Variants in NUP210 observed in about 807,000 individuals in gnomAD.
The protein encoded by NUP210 is nuclear pore membrane glycoprotein 210.
In NUP210, 151 loss-of-function variants were observed where a neutral mutation model predicts 196.0. The ratio of observed to expected loss-of-function variants is 0.77; its 90% CI spans 0.67 to 0.88. The LOEUF is 0.88. NUP210 is among the 40% of genes least tolerant of loss of function. The pLI is 0.00. For missense variants in NUP210, 2,314 were observed against 2,493.7 expected (o/e 0.93, Z 1.53); for synonymous variants, 1,070 against 1,052.7 (o/e 1.02, Z -0.32).
Position 13,373,704 on chromosome 3 carries a change from C to T in NUP210, c.1587+14G>A. On this transcript the variant is annotated intron_variant, in intron 12 of 39. Transcript: ENST00000254508. ...CCGAGCCTCCCAGGGGGTGTCTTGGCCCTGAGATCTCACCTTCATCTCACC... is the reference window on the plus strand; with the variant it reads ...CCGAGCCTCCCAGGGGGTGTCTTGGTCCTGAGATCTCACCTTCATCTCACC... 1.2e-6 allele frequency: 2 copies of T among 1,613,514 alleles called. No homozygotes were observed. The highest frequency in any genetic ancestry group is 2.2e-5 in the East Asian group (1 of 44,860).
intron 1 of NUP210, among the ~76,000 whole-genome samples, chr3:13,407,804 C>T (rs78832400): frequency 2.0e-3 from 298 of 152,284 alleles, no homozygotes; most frequent in Non-Finnish European, 3.2e-3. Context: ...CTTATTGAAA[C>T]CATAAATACT....
In NUP210 at chr3:13,347,002, A is replaced by C. The variant is rs2124870247; in HGVS notation, c.2836-3699T>G. ...TGGGGACGTGCACCACTGTCCACAG[A>C]TCAGTCTCAGGGAAAAGGTGGATGC... On this transcript the variant is annotated intron_variant, in intron 20 of 39. Coordinates refer to ENST00000254508, the MANE Select transcript of NUP210 (RefSeq NM_024923.4). The surrounding 1 kb of genome is among the most constrained non-coding windows in gnomAD (Gnocchi z 4.7). 1.0e-6 allele frequency: 1 copy of C among 985,106 alleles called. No individual in the cohort carries two copies. Among genetic ancestry groups the C allele is most frequent in the East Asian group, 1.1e-4 (1 of 8,802 alleles). The allele number at this position is 985,106 out of a possible 1,614,324, so 61.0% of individuals were successfully genotyped here.
In NUP210 at chr3:13,358,332, C is replaced by T. The variant is rs200785718; in HGVS notation, c.2218G>A (p.Ala740Thr). The change falls in exon 16 of 40, where the codon GCC (alanine) becomes ACC (threonine). Residue 740 changes from alanine (A) to threonine (T), a missense_variant. Physicochemically the swap from Ala to Thr is moderately conservative, Grantham distance 58. Coordinates refer to ENST00000254508, the MANE Select transcript of NUP210 (RefSeq NM_024923.4). ...GGGGCGCAGACGAACTTCACCACGGCAGGCTCCACCGCAGGAAAGGGGTTG... is the reference window on the plus strand; with the variant it reads ...GGGGCGCAGACGAACTTCACCACGGTAGGCTCCACCGCAGGAAAGGGGTTG... Reference protein sequence around the residue: ...LTNPFPAVEPAVVKFVCAPPS... With the variant: ...LTNPFPAVEPTVVKFVCAPPS... The T allele has an allele frequency of 3.2e-5, 52 of 1,613,974 alleles. No homozygotes were observed. In the African/African-American group the frequency reaches 5.9e-4, roughly 18 times the overall value.
chr3:13,364,041 G>T (rs1012299924), intron 14 of NUP210, among the ~76,000 whole-genome samples: 1 of 152,144 alleles, frequency 6.6e-6, no homozygotes, highest in Non-Finnish European at 1.5e-5. Flanking sequence ...CTCACCTGCT[G>T]CAGTGCTGTG....
rs1225446289 is a variant in NUP210, at chr3:13,373,303, C to T, written c.1587+415G>A. 2.0e-5 allele frequency among the ~76,000 whole-genome samples: 3 copies of T among 152,234 alleles called. No individual in the cohort carries two copies. In the South Asian group the frequency reaches 6.2e-4, roughly 31 times the overall value. On this transcript the variant is annotated intron_variant, in intron 12 of 39. Transcript: ENST00000254508. ...GTGTGGGGACCTGTGCAGGGAACAC[C>T]TGCCTTTGTACCCAAAGGTGAGTGA...
chr3:13,385,392 A>G (rs1029532149), intron 6 of NUP210, among the ~76,000 whole-genome samples: 2 of 152,234 alleles, frequency 1.3e-5, no homozygotes, highest in African/African-American at 4.8e-5. Flanking sequence ...TATGCTCTGG[A>G]TGTTAAACAT....
Position 13,336,772 on chromosome 3 carries a change from G to A in NUP210, c.3684+15C>T. On this transcript the variant is annotated intron_variant, in intron 27 of 39. Coordinates refer to ENST00000254508, the MANE Select transcript of NUP210 (RefSeq NM_024923.4). ...CAGGGGTGGGAGGTGAGCTCTGGAG[G>A]GGGTGGTTACCTACCTCGTGGTGCC... 6.2e-7 allele frequency: 1 copy of A among 1,611,752 alleles called. No individual in the cohort carries two copies. The highest frequency in any genetic ancestry group is 8.5e-7 in the Non-Finnish European group (1 of 1,178,990).
chr3:13,327,368 G>T lies in NUP210; in HGVS notation c.4356C>A (p.Gly1452=). 1 of 1,613,476 alleles carries T rather than the reference G, an allele frequency of 6.2e-7. No homozygotes were observed. Among genetic ancestry groups the T allele is most frequent in the East Asian group, 2.2e-5 (1 of 44,872 alleles). Residue 1452 remains glycine, a synonymous_variant, in exon 32 of 40, where the codon GGC becomes GGA. Coordinates refer to ENST00000254508, the MANE Select transcript of NUP210 (RefSeq NM_024923.4). ...NTCVVRTVSV[G]LTLLRVWDAE... ...CGTCCCACACACGGAGCAGTGTCAGGCCCACGCTGACTGTGCGGACAACGC... is the reference window on the plus strand; with the variant it reads ...CGTCCCACACACGGAGCAGTGTCAGTCCCACGCTGACTGTGCGGACAACGC...
At chr3:13,324,763 A>G (rs1696677747) in intron 33 of NUP210, among the ~76,000 whole-genome samples, 1 of 152,160 alleles carries the variant, frequency 6.6e-6, no homozygotes, top group South Asian at 2.1e-4. Context: ...GGTCTATAGC[A>G]CTGTTTAAAA....
At chr3:13,419,128 C>G (rs1700447798) in intron 1 of NUP210, among the ~76,000 whole-genome samples, 1 of 152,194 alleles carries the variant, frequency 6.6e-6, no homozygotes, top group Non-Finnish European at 1.5e-5. Context: ...CGTGGTCACA[C>G]CCCGTTCTGC....
intron 11 of NUP210, 106 bp from the exon 12 acceptor site, chr3:13,373,979 C>T (rs1289608000): frequency 2.0e-5 from 26 of 1,278,670 alleles, no homozygotes; most frequent in Admixed American, 4.0e-5. Context: ...CACACTCATA[C>T]ACATTTATCC....
chr3:13,322,051 C>A (rs770238253), intron 35 of NUP210, 142 bp downstream of exon 35: 3 of 1,187,974 alleles, frequency 2.5e-6, no homozygotes, highest in Non-Finnish European at 3.6e-6. Context: ...GTCCCCCTGG[C>A]GTCAATCCCC....
At chr3:13,391,148 TCA>T in intron 4 of NUP210, 61 bp downstream of exon 4, 1 of 1,172,168 alleles carries the variant, frequency 8.5e-7, no homozygotes, top group Non-Finnish European at 1.3e-6. Flanking sequence ...GGTGAGGAGC[TCA>T]CAGGTGTCCC....
At chr3:13,382,882 T>G (rs1376140554) in intron 6 of NUP210, among the ~76,000 whole-genome samples, 1 of 152,130 alleles carries the variant, frequency 6.6e-6, no homozygotes, top group Non-Finnish European at 1.5e-5. Context: ...TGGCAACTCA[T>G]GCCTATTATT....
chr3:13,322,776 A>G (rs1044402559), intron 34 of NUP210, among the ~76,000 whole-genome samples: 20 of 152,244 alleles, frequency 1.3e-4, no homozygotes, highest in African/African-American at 3.6e-4. Flanking sequence ...AGAGGCTGCC[A>G]TGATGGAACA....
Position 13,335,539 on chromosome 3 carries a change from A to T in NUP210, c.3758T>A (p.Leu1253Gln). ...VLGRVKGRTG[L>Q]RVVVKAVDPT... The stretch of plus-strand genomic sequence containing the variant: ...GTCCACAGCCTTGACCACCACCCTC[A>T]GCCCGGTCCGGCCTTTTACCCGGCC... Residue 1253 changes from leucine (L) to glutamine (Q), a missense_variant, in exon 28 of 40, where the codon CTG (leucine) becomes CAG (glutamine). By Grantham distance (113) the Leu-to-Gln change is moderately radical (BLOSUM62 -2). Coordinates refer to ENST00000254508, the MANE Select transcript of NUP210 (RefSeq NM_024923.4). 1 of 1,614,102 alleles carries T rather than the reference A, an allele frequency of 6.2e-7. No individual in the cohort carries two copies. Among genetic ancestry groups the T allele is most frequent in the South Asian group, 1.1e-5 (1 of 91,080 alleles).
chr3:13,336,865 G>A lies in NUP210; in HGVS notation c.3606C>T (p.Gly1202=), dbSNP rs1177764213. The change falls in exon 27 of 40, where the codon GGC becomes GGT. Residue 1202 remains glycine (G), a synonymous_variant. Transcript: ENST00000254508. ...GGAAGGTCAGGCCTGGCACGGCATT[G>A]CCAAAGGAGAAAGGGTTCTGGTGGT... ...ITNHQNPFSF[G]NAVPGLTFHW... is the part of the protein sequence containing the mutation. 1.2e-6 allele frequency: 2 copies of A among 1,613,772 alleles called. No individual in the cohort carries two copies. Among genetic ancestry groups the A allele is most frequent in the Non-Finnish European group, 1.7e-6 (2 of 1,179,878 alleles).
At chr3:13,381,422 T>TTC (rs1553602789) in intron 6 of NUP210, among the ~76,000 whole-genome samples, 1 of 143,944 alleles carries the variant, frequency 6.9e-6, no homozygotes, top group South Asian at 2.2e-4. Flanking sequence ...TTTCTTTTCT[T>TTC]TTTTTTTTTT....
At chr3:13,367,376 A>G (rs1438211493) in intron 13 of NUP210, among the ~76,000 whole-genome samples, 1 of 152,230 alleles carries the variant, frequency 6.6e-6, no homozygotes, top group Non-Finnish European at 1.5e-5. Context: ...CGGAGGTTGC[A>G]GTGAGCCGAG....
Sources: allele counts gnomAD v4.1 joint callset (sites outside exome capture counted in the v4.1 genomes callset), GRCh38; gene constraint gnomAD v4.1.1; non-coding constraint Gnocchi (gnomAD v3.1); transcripts MANE v1.5; gene names NCBI Gene and HGNC (gene_info 2026-07-23, HGNC 2026-07-21).